SENP7: variants seen among roughly 807,000 people sequenced by gnomAD.
SENP7 encodes SUMO specific peptidase 7.
Under a neutral mutation model 141.2 loss-of-function variants are expected in SENP7, and 64 were observed. The ratio of observed to expected loss-of-function variants is 0.45; its 90% CI spans 0.37 to 0.56. SENP7 has a LOEUF of 0.56. Among genes scored for constraint, SENP7 ranks in the 20% least tolerant of loss-of-function variants. The pLI, the probability that SENP7 is intolerant of heterozygous loss-of-function variation, is 0.00. For synonymous variants in SENP7, 382 were observed against 426.4 expected (o/e 0.90, Z 1.28); for missense variants, 1,025 against 1,212.2 (o/e 0.85, Z 2.29).
At chr3:101,422,904 A>G (rs1020597120) in intron 4 of SENP7, among the ~76,000 whole-genome samples, 2 of 152,176 alleles carry the variant, frequency 1.3e-5, no homozygotes, top group Non-Finnish European at 2.9e-5. Flanking sequence ...TTTTTCAACA[A>G]AAGTAGTTTA....
intron 3 of SENP7, among the ~76,000 whole-genome samples, chr3:101,474,599 T>C (rs1201843611): frequency 3.9e-5 from 6 of 152,172 alleles, no homozygotes; most frequent in Admixed American, 2.0e-4. Flanking sequence ...TGGGGTTTTC[T>C]AGATCTAGGA....
Position 101,361,706 on chromosome 3 carries a change from T to C in SENP7, c.1623+9A>G, listed in dbSNP as rs1195002725. The C allele has an allele frequency of 1.9e-6, 3 of 1,540,554 alleles. No individual in the cohort carries two copies. Among genetic ancestry groups the C allele is most frequent in the Non-Finnish European group, 2.6e-6 (3 of 1,152,640 alleles). ...CAAACTAAAAGAAAATTAAAGAAAA[T>C]ATACTTACTGTAACACAACCTTTAG... On this transcript the variant is annotated intron_variant, in intron 11 of 23. Transcript: ENST00000394095.
At chr3:101,352,585 A>G (rs9870022) in intron 11 of SENP7, among the ~76,000 whole-genome samples, 28,243 of 151,932 alleles carry the variant, frequency 0.19, 3,116 homozygotes, top group Admixed American at 0.35. Flanking sequence ...TAAATCTTAC[A>G]TGTACTATCT....
chr3:101,447,961 TC>T (rs1204644321), intron 4 of SENP7, among the ~76,000 whole-genome samples: 2 of 152,176 alleles, frequency 1.3e-5, no homozygotes, highest in Non-Finnish European at 2.9e-5. Context: ...TCACAAAGAT[TC>T]CAAGACAATA....
intron 3 of SENP7, among the ~76,000 whole-genome samples, chr3:101,471,625 T>C (rs180844097): frequency 4.7e-4 from 71 of 152,272 alleles, no homozygotes; most frequent in Middle Eastern, 3.4e-3. Flanking sequence ...CCAAAAGCAA[T>C]GGCAACAAAA....
At chr3:101,352,012 GTTT>G (rs1414701712) in intron 11 of SENP7, among the ~76,000 whole-genome samples, 2 of 151,984 alleles carry the variant, frequency 1.3e-5, no homozygotes, top group African/African-American at 4.8e-5. Context: ...ATAAAACAGA[GTTT>G]CATTTTTGGC....
intron 3 of SENP7, 57 bp downstream of exon 3, chr3:101,493,816 A>T (rs2065056504): frequency 9.4e-7 from 1 of 1,059,220 alleles, no homozygotes; most frequent in African/African-American, 1.6e-5. Context: ...TTATTACAAT[A>T]TTTTAAACAT....
chr3:101,390,911 T>G (rs1041228404), intron 6 of SENP7, among the ~76,000 whole-genome samples: 9 of 152,142 alleles, frequency 5.9e-5, no homozygotes, highest in African/African-American at 1.9e-4. Context: ...CTTCTGAGAC[T>G]GCAATGAAAT....
At chr3:101,468,535 G>A (rs1234961915) in intron 3 of SENP7, among the ~76,000 whole-genome samples, 1 of 152,186 alleles carries the variant, frequency 6.6e-6, no homozygotes, top group Non-Finnish European at 1.5e-5. Context: ...TAAGCCAGAA[G>A]AGAGTGGGGG....
chr3:101,358,350 A>G (rs2059800136), intron 11 of SENP7: 33 of 623,276 alleles, frequency 5.3e-5, no homozygotes, highest in South Asian at 5.0e-4. Context: ...TACAGAGTCA[A>G]TAATGTGGCA....
intron 6 of SENP7, among the ~76,000 whole-genome samples, chr3:101,390,285 G>T (rs570820985): frequency 2.4e-4 from 30 of 124,198 alleles, no homozygotes; most frequent in Admixed American, 9.1e-4. Context: ...TTTTTAAAAT[G>T]ACCCAATTCA....
At chr3:101,396,933 T>C (rs569237852) in intron 6 of SENP7, among the ~76,000 whole-genome samples, 4 of 152,204 alleles carry the variant, frequency 2.6e-5, no homozygotes, top group Non-Finnish European at 4.4e-5. Flanking sequence ...AACCTCCACC[T>C]CCTGGGTTCA....
intron 6 of SENP7, among the ~76,000 whole-genome samples, chr3:101,395,041 G>A (rs1317570295): frequency 6.6e-6 from 1 of 151,984 alleles, no homozygotes; most frequent in Non-Finnish European, 1.5e-5. Context: ...ATATATTCTG[G>A]GTATCAGTCC....
intron 6 of SENP7, among the ~76,000 whole-genome samples, chr3:101,375,970 G>A (rs555258667): frequency 6.6e-6 from 1 of 152,268 alleles, no homozygotes; most frequent in African/African-American, 2.4e-5. Context: ...TAGGAGAGGG[G>A]AGAATGGGGA....
In SENP7 at chr3:101,417,802, A is replaced by ATAAATAATTATGTGTATATAC. The variant is rs752906923; in HGVS notation, c.285-13_285-12insGTATATACACATAATTATTTA. 1.9e-6 allele frequency: 3 copies of ATAAATAATTATGTGTATATAC among 1,591,044 alleles called. No homozygotes were observed. The highest frequency in any genetic ancestry group is 2.6e-6 in the Non-Finnish European group (3 of 1,159,090). On this transcript the variant is annotated splice_polypyrimidine_tract_variant and intron_variant, in intron 4 of 23. Transcript: ENST00000394095. ...TAACTTTGAGTTGCCTGTTATACACATAAATAATTAGTATATATGGTACTA... is the reference window on the plus strand; with the variant it reads ...TAACTTTGAGTTGCCTGTTATACACATAAATAATTATGTGTATATACTAAATAATTAGTATATATGGTACTA...
chr3:101,334,300 CA>C (rs1256384192), intron 17 of SENP7, among the ~76,000 whole-genome samples: 1 of 151,934 alleles, frequency 6.6e-6, no homozygotes, highest in Non-Finnish European at 1.5e-5. Flanking sequence ...GATATAAAAC[CA>C]AGTTTGACTG....
intron 6 of SENP7, among the ~76,000 whole-genome samples, chr3:101,381,615 T>C (rs889299982): frequency 1.3e-5 from 2 of 152,150 alleles, no homozygotes; most frequent in East Asian, 3.9e-4. Context: ...ATATAGATAA[T>C]AATGAAATAT....
chr3:101,357,332 T>C, intron 11 of SENP7: 1 of 667,954 alleles, frequency 1.5e-6, no homozygotes. Flanking sequence ...GTGGAATTTA[T>C]ATAAGGATGT....
intron 3 of SENP7, among the ~76,000 whole-genome samples, chr3:101,463,372 T>TATATATATATATAC (rs2063624974): frequency 7.1e-5 from 6 of 84,532 alleles, no homozygotes; most frequent in South Asian, 3.9e-4. Flanking sequence ...TAAATATATA[T>TATATATATATATAC]ATATATATAT....
Sources: allele counts gnomAD v4.1 joint callset (sites outside exome capture counted in the v4.1 genomes callset), GRCh38; gene constraint gnomAD v4.1.1; transcripts MANE v1.5; gene names NCBI Gene and HGNC (gene_info 2026-07-23, HGNC 2026-07-21).